STK24: variants seen among roughly 807,000 people sequenced by gnomAD.
STK24 encodes serine/threonine-protein kinase 24.
A neutral mutation model predicts 55.6 loss-of-function variants in STK24; 21 were observed. That is an observed-to-expected ratio of 0.38 (90% CI 0.27 to 0.54). The LOEUF (loss-of-function observed/expected upper bound fraction) is 0.54. STK24 is among the 20% of genes least tolerant of loss of function. STK24 has a pLI of 0.79. For synonymous variants in STK24, 200 were observed against 215.2 expected, an observed-to-expected ratio of 0.93 and a Z score of 0.62; for missense variants, 383 against 538.4, an observed-to-expected ratio of 0.71 and a Z score of 2.86.
intron 1 of STK24, among the ~76,000 whole-genome samples, chr13:98,529,721 C>T (rs1301711623): frequency 6.6e-6 from 1 of 152,068 alleles, no homozygotes; most frequent in Non-Finnish European, 1.5e-5. Flanking sequence ...CCAGAGGCCC[C>T]TGTAGGTCCA....
Position 98,446,163 on chromosome 13 carries a change from G to T in STK24, c.*7010C>A, listed in dbSNP as rs141304303. On this transcript the variant is annotated 3_prime_UTR_variant, in exon 11 of 11. Transcript: ENST00000539966. ...GCAACGGGTGGCAGAAGCTGTGGGT[G>T]GTGTTCACAAACTTCTGCCTGTTCT... 1 of 1,614,006 alleles carries T rather than the reference G, an allele frequency of 6.2e-7. No homozygotes were observed.
rs1357430337 is a variant in STK24 at position 98,575,418 on chromosome 13, C to CACACACACACACACATAT, written c.42+1326_42+1327insATATGTGTGTGTGTGTGT. Among the ~76,000 whole-genome samples the CACACACACACACACATAT allele has an allele frequency of 4.0e-5, 6 of 150,758 alleles. No individual in the cohort carries two copies. The East Asian group carries it at 1.2e-3, about 29-fold the overall frequency. The stretch of plus-strand genomic sequence containing the variant: ...TACTGCTTATATATACACACACACA[C>CACACACACACACACATAT]ACACACACACATATACACACACACA... On this transcript the variant is annotated intron_variant, in intron 1 of 10. Coordinates refer to ENST00000539966, the MANE Select transcript of STK24 (RefSeq NM_001032296.4).
At chr13:98,510,593 AT>A (rs936424135) in intron 2 of STK24, among the ~76,000 whole-genome samples, 3 of 152,250 alleles carry the variant, frequency 2.0e-5, no homozygotes, top group African/African-American at 7.2e-5. Flanking sequence ...TTATTCAGCA[AT>A]AAAAAGAGCT....
chr13:98,555,472 G>C (rs367838907), intron 1 of STK24, among the ~76,000 whole-genome samples: 2 of 151,490 alleles, frequency 1.3e-5, no homozygotes, highest in East Asian at 4.0e-4. Flanking sequence ...CCAGCTACTC[G>C]GGAGGCTGAG....
intron 1 of STK24, among the ~76,000 whole-genome samples, chr13:98,524,839 A>C (rs1265479383): frequency 2.0e-5 from 3 of 152,146 alleles, no homozygotes. Context: ...TCACTCTTTT[A>C]CTATTGTCCC....
intron 1 of STK24, among the ~76,000 whole-genome samples, chr13:98,543,643 G>A (rs1896953534): frequency 1.3e-5 from 2 of 152,168 alleles, no homozygotes; most frequent in South Asian, 2.1e-4. Flanking sequence ...AGGAGACCCC[G>A]CACTGGGGCC....
chr13:98,508,986 G>A (rs1594623914), intron 2 of STK24: 1 of 152,144 alleles, frequency 6.6e-6, no homozygotes, highest in Non-Finnish European at 1.5e-5. Flanking sequence ...AATTTGTAAT[G>A]AATTAATTTG....
chr13:98,447,309 G>A lies in STK24; in HGVS notation c.*5864C>T, dbSNP rs1892909962. 6.5e-6 allele frequency: 1 copy of A among 154,470 alleles called. No individual in the cohort carries two copies. The highest frequency in any genetic ancestry group is 1.4e-5 in the Non-Finnish European group (1 of 69,638). The allele number at this position is 154,470 out of a possible 1,614,324, so 9.6% of individuals were successfully genotyped here. On this transcript the variant is annotated 3_prime_UTR_variant, in exon 11 of 11. Coordinates refer to ENST00000539966, the MANE Select transcript of STK24 (RefSeq NM_001032296.4). Reference sequence around the variant, plus strand: ...CTCGCCCCGGGAGGCAGAAGGGGAGGGGTCCTCAGCAATATGCTGAGCACC... The same window carrying A: ...CTCGCCCCGGGAGGCAGAAGGGGAGAGGTCCTCAGCAATATGCTGAGCACC...
chr13:98,496,061 G>A (rs1477976070), intron 2 of STK24, among the ~76,000 whole-genome samples: 2 of 152,196 alleles, frequency 1.3e-5, no homozygotes, highest in African/African-American at 4.8e-5. Context: ...AATGGCAAAG[G>A]AAGCCTTGGT....
intron 5 of STK24, among the ~76,000 whole-genome samples, chr13:98,470,780 C>T (rs1178085264): frequency 6.6e-6 from 1 of 152,190 alleles, no homozygotes; most frequent in East Asian, 1.9e-4. Context: ...ACGCTAGCTA[C>T]ACATCTGAAG....
At chr13:98,522,107 G>C (rs1442555635) in intron 1 of STK24, 5 of 1,307,460 alleles carry the variant, frequency 3.8e-6, no homozygotes, top group Non-Finnish European at 4.9e-6. Flanking sequence ...CCGGTCACCA[G>C]TGCTGCAATG....
intron 10 of STK24, chr13:98,455,776 CA>C (rs1452158636): frequency 6.6e-6 from 1 of 152,190 alleles, no homozygotes; most frequent in Admixed American, 6.5e-5. Flanking sequence ...CAATTCTGGA[CA>C]GTGTGGAAAG....
intron 1 of STK24, among the ~76,000 whole-genome samples, chr13:98,526,577 G>A (rs1246252027): frequency 2.0e-5 from 3 of 152,180 alleles, no homozygotes; most frequent in Non-Finnish European, 4.4e-5. Flanking sequence ...CTAGGCTTGG[G>A]ACCATGTCAT....
intron 3 of STK24, among the ~76,000 whole-genome samples, chr13:98,482,047 A>G (rs1483965703): frequency 6.6e-6 from 1 of 151,792 alleles, no homozygotes; most frequent in African/African-American, 2.4e-5. Flanking sequence ...AGCCTGGGTA[A>G]CAGGGCAAGA....
Position 98,449,256 on chromosome 13 carries a change from ATCC to A in STK24, c.*3914_*3916del, listed in dbSNP as rs1893064160. ...CCCCGGCACCTGTCGTTATTCCTAT[ATCC>A]TCCTGCAACTGTGGTTTGAAACTGC... On this transcript the variant is annotated 3_prime_UTR_variant, in exon 11 of 11. Coordinates refer to ENST00000539966, the MANE Select transcript of STK24 (RefSeq NM_001032296.4). 1 of 152,198 alleles carries A rather than the reference ATCC, an allele frequency of 6.6e-6. No homozygotes were observed. The highest frequency in any genetic ancestry group is 2.1e-4 in the South Asian group (1 of 4,830). 9.4% of individuals were successfully genotyped at this position (152,198 alleles called of 1,614,324 possible).
chr13:98,456,779 T>G, intron 10 of STK24: 1 of 350,324 alleles, frequency 2.9e-6, no homozygotes, highest in East Asian at 7.4e-5. Context: ...ACACCAAAGC[T>G]GCTGTCATTT....
intron 1 of STK24, among the ~76,000 whole-genome samples, chr13:98,556,597 T>C (rs1897294928): frequency 6.6e-6 from 1 of 151,966 alleles, no homozygotes; most frequent in Non-Finnish European, 1.5e-5. Flanking sequence ...CCAGCCAGGG[T>C]CATGCCAGCC....
chr13:98,487,875 G>A (rs1339487833), intron 2 of STK24, among the ~76,000 whole-genome samples: 10 of 152,142 alleles, frequency 6.6e-5, no homozygotes, highest in Non-Finnish European at 1.3e-4. Context: ...ACTGACAAGT[G>A]ACCCTCCAAA....
intron 1 of STK24, among the ~76,000 whole-genome samples, chr13:98,542,556 A>G (rs1287632583): frequency 6.6e-6 from 1 of 152,204 alleles, no homozygotes; most frequent in Non-Finnish European, 1.5e-5. Context: ...TCAGGAAACC[A>G]GCATATAAAT....
Sources: gnomAD v4.1 joint callset for allele counts (sites outside exome capture counted in the v4.1 genomes callset) on GRCh38, gnomAD v4.1.1 for gene constraint, MANE v1.5 for transcripts, NCBI Gene and HGNC (gene_info 2026-07-23, HGNC 2026-07-21) for gene names.